The following STK36 variants were observed in gnomAD, a reference collection of about 807,000 sequenced individuals.
STK36 encodes the protein serine/threonine-protein kinase 36.
STK36 carries 116 observed loss-of-function variants against 142.2 expected under a neutral mutation model. The observed-to-expected ratio is 0.82, with a 90% CI of 0.70 to 0.95. STK36 has a LOEUF of 0.95. Among genes scored for constraint, STK36 ranks in the 40% least tolerant of loss-of-function variants. The probability of loss-of-function intolerance (pLI) is 0.00; values close to 1 mark genes in which losing one functional copy is unlikely to be tolerated. For missense variants in STK36, 1,422 were observed against 1,617.2 expected, an observed-to-expected ratio of 0.88 and a Z score of 2.07; for synonymous variants, 619 against 641.7, an observed-to-expected ratio of 0.96 and a Z score of 0.53.
chr2:218,672,378 C>G (rs1197786847), intron 1 of STK36, 163 bp downstream of exon 1: 2 of 311,124 alleles, frequency 6.4e-6, no homozygotes, highest in Non-Finnish European at 6.1e-6. Flanking sequence ...GAGAGAGGGG[C>G]TCTGGCCTGC....
At chr2:218,695,592 G>A (rs1304654646) in intron 21 of STK36, among the ~76,000 whole-genome samples, 1 of 136,960 alleles carries the variant, frequency 7.3e-6, no homozygotes, top group Non-Finnish European at 1.5e-5. Flanking sequence ...GGAGTGTAGT[G>A]GCACGATCTT....
In STK36 at chr2:218,698,836, T is replaced by A. The variant is rs1941335190; in HGVS notation, c.3292T>A (p.Ser1098Thr). ...CAGGGTCCTGTCTCCCAGCCACTTG[T>A]CCTTTATCCAAGAGCTTCTGGCTGG... ...TARVLSPSHL[S>T]FIQELLAGSD... is the part of the protein sequence containing the mutation. Residue 1098 changes from serine (S) to threonine (T), a missense_variant, in exon 26 of 27, where the codon TCC becomes ACC. Ser to Thr is a moderately conservative substitution (Grantham distance 58). This residue lies in a region of STK36 where 962 missense variants were observed against 1,167.5 expected (regional missense o/e 0.82). Transcript: ENST00000295709. The A allele has an allele frequency of 6.2e-7, 1 of 1,614,220 alleles. No homozygotes were observed. The highest frequency in any genetic ancestry group is 8.5e-7 in the Non-Finnish European group (1 of 1,180,044).
At chr2:218,698,496 G>A in intron 25 of STK36, 106 bp from the exon 26 acceptor site, 2 of 1,397,784 alleles carry the variant, frequency 1.4e-6, no homozygotes, top group African/African-American at 1.4e-5. Context: ...GCTCTCTGTG[G>A]CATTTCTCAC....
intron 23 of STK36, 91 bp downstream of exon 23, chr2:218,697,304 T>C (rs1404281615): frequency 4.6e-6 from 7 of 1,527,184 alleles, no homozygotes; most frequent in Non-Finnish European, 6.1e-6. Context: ...AGAGGTTTAT[T>C]TTTTTTGCTT....
chr2:218,677,441 C>T (rs561372408), intron 6 of STK36, among the ~76,000 whole-genome samples: 65 of 152,278 alleles, frequency 4.3e-4, no homozygotes, highest in African/African-American at 1.5e-3. Context: ...CCTTGCTTTT[C>T]TACTGCAGGG....
At chr2:218,686,803 T>C (rs1163183571) in intron 11 of STK36, among the ~76,000 whole-genome samples, 1 of 152,264 alleles carries the variant, frequency 6.6e-6, no homozygotes, top group Non-Finnish European at 1.5e-5. Context: ...TTGCTGGTCA[T>C]ATGGTAAATT....
Position 218,676,108 on chromosome 2 carries a change from G to C in STK36, c.514G>C (p.Val172Leu). 2 of 1,614,132 alleles carry C rather than the reference G, an allele frequency of 1.2e-6. No homozygotes were observed. The highest frequency in any genetic ancestry group is 1.1e-5 in the South Asian group (1 of 91,072). The change falls in exon 6 of 27, where the codon GTG becomes CTG. Residue 172 changes from valine to leucine, a missense_variant. Val to Leu is a conservative substitution (Grantham distance 32). Transcript: ENST00000295709. ...GTPLYMSPELVEERPYDHTAD... is the reference protein window; with the variant it reads ...GTPLYMSPELLEERPYDHTAD... ...ACCACTCTATATGTCTCCAGAGCTG[G>C]TGGAGGAGCGACCATACGACCACAC... is the stretch of plus-strand genomic sequence containing the variant.
intron 25 of STK36, 98 bp from the exon 26 acceptor site, chr2:218,698,504 C>G: frequency 6.9e-7 from 1 of 1,458,918 alleles, no homozygotes; most frequent in Non-Finnish European, 9.2e-7. Context: ...TGGCATTTCT[C>G]ACCATAGCTT....
At position 218,693,954 on chromosome 2, in the gene STK36, T is replaced by C. The variant is rs756850436; in HGVS notation, c.2307T>C (p.Leu769=). The C allele has an allele frequency of 4.3e-6, 7 of 1,614,138 alleles. No individual in the cohort carries two copies. Among genetic ancestry groups the C allele is most frequent in the Non-Finnish European group, 5.1e-6 (6 of 1,180,050 alleles). ...TEVTLYFLSL[L]VFRLQNLPCG... is the part of the protein sequence containing the mutation. Reference sequence around the variant, plus strand: ...TGACACTCTACTTCCTCTCCCTTCTTGTCTTTCGGCTCCAAAACCTGCCTT... The same window carrying C: ...TGACACTCTACTTCCTCTCCCTTCTCGTCTTTCGGCTCCAAAACCTGCCTT... The change falls in exon 19 of 27, where the codon CTT becomes CTC. Residue 769 remains leucine (L), a synonymous_variant. Transcript: ENST00000295709.
In STK36 at chr2:218,693,999, G is replaced by C. The variant is rs1941119771; in HGVS notation, c.2336+16G>C. On this transcript the variant is annotated intron_variant, in intron 19 of 26. Coordinates refer to ENST00000295709, the MANE Select transcript of STK36 (RefSeq NM_015690.5). Reference sequence around the variant, plus strand: ...TGCCTTGTGGGTAAGTCATAAAGTAGGGTGTCTCCACAGAAGTCTTCTAGC... The same window carrying C: ...TGCCTTGTGGGTAAGTCATAAAGTACGGTGTCTCCACAGAAGTCTTCTAGC... 1 of 1,613,438 alleles carries C rather than the reference G, an allele frequency of 6.2e-7. No homozygotes were observed. Among genetic ancestry groups the C allele is most frequent in the Non-Finnish European group, 8.5e-7 (1 of 1,179,392 alleles).
At chr2:218,688,254 G>T (rs1323838384) in intron 11 of STK36, 4 of 423,090 alleles carry the variant, frequency 9.5e-6, no homozygotes, top group African/African-American at 2.1e-5. Flanking sequence ...GATTTGACCT[G>T]TGAGCCATAG....
At position 218,688,850 on chromosome 2, in the gene STK36, A is replaced by T. The variant is rs1358270731; in HGVS notation, c.1534A>T (p.Ser512Cys). ...GCTGCTGCTGAGTCTACTCAGGCAC[A>T]GTCAGGAGAGCAACAGCCTCCAGCA... ...PGLLLSLLRH[S>C]QESNSLQQQS... Residue 512 changes from serine (S) to cysteine (C), a missense_variant, in exon 12 of 27, where the codon AGT (serine) becomes TGT (cysteine). Physicochemically the swap from Ser to Cys is moderately radical, Grantham distance 112. Around this residue, in one of 2 missense-constraint regions of STK36, gnomAD observed 962 missense variants for 1,167.5 expected, o/e 0.82. Coordinates refer to ENST00000295709, the MANE Select transcript of STK36 (RefSeq NM_015690.5). The T allele has an allele frequency of 6.2e-7, 1 of 1,611,892 alleles. No homozygotes were observed. Among genetic ancestry groups the T allele is most frequent in the Admixed American group, 1.7e-5 (1 of 59,796 alleles).
chr2:218,690,413 A>C, intron 13 of STK36, 37 bp from the exon 14 acceptor site: 2 of 1,555,126 alleles, frequency 1.3e-6, no homozygotes, highest in Non-Finnish European at 1.8e-6. Context: ...CTTTTAGTAG[A>C]GAGATAAGAA....
chr2:218,694,405 A>C lies in STK36; in HGVS notation c.2400+78A>C, dbSNP rs1013637720. 1 of 1,523,568 alleles carries C rather than the reference A, an allele frequency of 6.6e-7. No individual in the cohort carries two copies. Among genetic ancestry groups the C allele is most frequent in the African/African-American group, 1.4e-5 (1 of 72,864 alleles). 94.4% of individuals were successfully genotyped at this position (1,523,568 alleles called of 1,614,324 possible). ...TGTGGAAGTGGGGGAGTCACTATCC[A>C]ATTTGCATCTGTTTCTGGAGGCATT... On this transcript the variant is annotated intron_variant, in intron 20 of 26. Coordinates refer to ENST00000295709, the MANE Select transcript of STK36 (RefSeq NM_015690.5). This position sits in a 1 kb window ranked among gnomAD's most constrained non-coding sequence, Gnocchi z 4.4.
chr2:218,678,303 G>A (rs1046219301), intron 6 of STK36, among the ~76,000 whole-genome samples: 4 of 152,104 alleles, frequency 2.6e-5, no homozygotes, highest in African/African-American at 4.8e-5. Context: ...GAATTTAAAT[G>A]CAGTCTTCTC....
chr2:218,680,847 A>G, intron 10 of STK36, 145 bp downstream of exon 10: 1 of 613,426 alleles, frequency 1.6e-6, no homozygotes, highest in Non-Finnish European at 2.8e-6. Flanking sequence ...TATAGATTTT[A>G]ATTGTACAGT....
In STK36 at chr2:218,694,128, C is replaced by A. The variant is rs1941125131; in HGVS notation, c.2337-136C>A. 8.7e-7 allele frequency: 1 copy of A among 1,153,160 alleles called. No homozygotes were observed. The highest frequency in any genetic ancestry group is 1.3e-6 in the Non-Finnish European group (1 of 770,660). 71.4% of individuals were successfully genotyped at this position (1,153,160 alleles called of 1,614,324 possible). A position where few individuals can be genotyped will look rare whatever the true frequency, so the allele number is the denominator to read the frequency against. The stretch of plus-strand genomic sequence containing the variant: ...TGAAGCTTTCTCTACAAAGAACAGA[C>A]CTAGACTCCCATCAACTTTGTGCCT... On this transcript the variant is annotated intron_variant, in intron 19 of 26. Transcript: ENST00000295709. This position sits in a 1 kb window ranked among gnomAD's most constrained non-coding sequence, Gnocchi z 4.4.
chr2:218,685,084 G>A lies in STK36; in HGVS notation c.1237-1G>A. Reference sequence around the variant, plus strand: ...ACCCCTTTCACTCCCCTCTGCCTCAGGAGCCAGACAGTGACAATGAGTGGC... The same window carrying A: ...ACCCCTTTCACTCCCCTCTGCCTCAAGAGCCAGACAGTGACAATGAGTGGC... On this transcript the variant is annotated splice_acceptor_variant, in intron 10 of 26. Transcript: ENST00000295709. LOFTEE classifies it high-confidence loss of function. The A allele has an allele frequency of 2.5e-6, 4 of 1,614,024 alleles. No individual in the cohort carries two copies. Among genetic ancestry groups the A allele is most frequent in the Non-Finnish European group, 3.4e-6 (4 of 1,179,958 alleles).
chr2:218,692,846 C>T, intron 16 of STK36, 136 bp downstream of exon 16: 1 of 1,237,558 alleles, frequency 8.1e-7, no homozygotes, highest in Non-Finnish European at 1.1e-6. Context: ...ATGCTCCCAC[C>T]CTGGGCCATT....
Sources: gnomAD v4.1 joint callset for allele counts (sites outside exome capture counted in the v4.1 genomes callset) on GRCh38, gnomAD v4.1.1 for gene constraint, gnomAD v4.1.1 regional missense constraint, Gnocchi (gnomAD v3.1) non-coding constraint, MANE v1.5 for transcripts, NCBI Gene and HGNC (gene_info 2026-07-23, HGNC 2026-07-21) for gene names.